UNC13B: variants seen among roughly 807,000 people sequenced by gnomAD.
UNC13B encodes the protein unc-13 homolog B, also known as protein unc-13 homolog B.
UNC13B carries 144 observed loss-of-function variants against 211.0 expected under a neutral mutation model. The ratio of observed to expected loss-of-function variants is 0.68; its 90% confidence interval spans 0.60 to 0.78. The LOEUF (loss-of-function observed/expected upper bound fraction) is 0.78. Ranked by LOEUF, UNC13B falls within the 30% of genes least tolerant of loss-of-function variation. The probability of loss-of-function intolerance (pLI) is 0.00; values close to 1 mark genes in which losing one functional copy is unlikely to be tolerated. For missense variants in UNC13B, 1,777 were observed against 2,002.0 expected (o/e 0.89, Z 2.14); for synonymous variants, 709 against 725.8 (o/e 0.98, Z 0.37).
intron 11 of UNC13B, among the ~76,000 whole-genome samples, chr9:35,316,099 G>A (rs1293683626): frequency 6.6e-6 from 1 of 152,126 alleles, no homozygotes; most frequent in African/African-American, 2.4e-5. Context: ...AGGATATGCT[G>A]GTATTTTGTT....
At chr9:35,282,303 T>C (rs16932295) in intron 7 of UNC13B, among the ~76,000 whole-genome samples, 7,466 of 152,290 alleles carry the variant, frequency 0.049, 417 homozygotes, top group East Asian at 0.3. Flanking sequence ...TCCCAACTTT[T>C]ATAATAATTA....
Position 35,306,958 on chromosome 9 carries a change from G to A in UNC13B, c.7554G>A (p.Lys2518=), listed in dbSNP as rs1424387828. ...GELFGIFKSP[K]PEPYKQESSL... ...TATTTGGAATTTTCAAAAGTCCCAA[G>A]CCAGAGCCATACAAACAAGAATCAT... Residue 2518 remains lysine, a synonymous_variant, in exon 9 of 40, where the codon AAG becomes AAA. Transcript: ENST00000635942. The A allele has an allele frequency of 5.0e-6, 2 of 398,868 alleles. No individual in the cohort carries two copies. The highest frequency in any genetic ancestry group is 7.1e-5 in the East Asian group (2 of 28,082). The allele number at this position is 398,868 out of a possible 1,614,324, so 24.7% of individuals were successfully genotyped here.
chr9:35,306,661 AC>A lies in UNC13B; in HGVS notation c.7258del (p.Gln2420ArgfsTer3), dbSNP rs1829939481. Reference protein sequence around the residue: ...LEKAPDEVLPQILEPASSSPE... With the variant: ...LEKAPDEVLPXILEPASSSPE... ...AAAAGGCCCCCGATGAGGTCTTACC[AC>A]AGATCCTAGAGCCAGCCTCTTCCTC... On this transcript the variant is annotated frameshift_variant, in exon 9 of 40. Transcript: ENST00000635942. LOFTEE classifies it high-confidence loss of function. 2.5e-6 allele frequency: 1 copy of A among 398,982 alleles called. No individual in the cohort carries two copies. The allele number at this position is 398,982 out of a possible 1,614,324, so 24.7% of individuals were successfully genotyped here.
chr9:35,282,146 A>G (rs1366789885), intron 7 of UNC13B, among the ~76,000 whole-genome samples: 3 of 152,224 alleles, frequency 2.0e-5, no homozygotes, highest in Non-Finnish European at 4.4e-5. Flanking sequence ...GTAGAATATA[A>G]CACAGATATA....
At chr9:35,184,303 G>A (rs1291635412) in intron 1 of UNC13B, among the ~76,000 whole-genome samples, 2 of 152,210 alleles carry the variant, frequency 1.3e-5, no homozygotes, top group Non-Finnish European at 2.9e-5. Context: ...CTTCCCAGAC[G>A]GGGTGGTGGC....
chr9:35,215,335 C>T (rs192958702), intron 1 of UNC13B, among the ~76,000 whole-genome samples: 2,842 of 152,210 alleles, frequency 0.019, 56 homozygotes, highest in Non-Finnish European at 0.025. Context: ...CCCAGGAGGT[C>T]AAGGCGGCAG....
At chr9:35,277,932 A>G (rs1006243033) in intron 7 of UNC13B, among the ~76,000 whole-genome samples, 1 of 152,188 alleles carries the variant, frequency 6.6e-6, no homozygotes, top group African/African-American at 2.4e-5. Context: ...AAAGGAATAA[A>G]TAAATGGTTA....
chr9:35,335,710 A>T (rs1464869987), intron 11 of UNC13B, among the ~76,000 whole-genome samples: 55 of 132,780 alleles, frequency 4.1e-4, no homozygotes, highest in Admixed American at 5.6e-4. Context: ...TTTTTTTTTT[A>T]AAGGGGTCTT....
At chr9:35,371,725 A>AAT (rs1834138072) in intron 13 of UNC13B, among the ~76,000 whole-genome samples, 1 of 152,032 alleles carries the variant, frequency 6.6e-6, no homozygotes, top group Non-Finnish European at 1.5e-5. Context: ...TTTATGGCAT[A>AAT]ATACTCCTTA....
At position 35,333,364 on chromosome 9, in the gene UNC13B, C is replaced by T. The variant is rs543931854; in HGVS notation, c.9414+19375C>T. ...CAGAGCCTGAGTTCTCCACCACTTA[C>T]GGCCTGTGTAACCTTAGGCTTAGGC... On this transcript the variant is annotated intron_variant, in intron 11 of 39. Transcript: ENST00000635942. Among the ~76,000 whole-genome samples the T allele has an allele frequency of 1.4e-3, 220 of 152,286 alleles. 1 individual carries two copies. The highest frequency in any genetic ancestry group is 4.9e-3 in the African/African-American group (205 of 41,572).
At chr9:35,292,808 A>T (rs1468157855) in intron 7 of UNC13B, among the ~76,000 whole-genome samples, 1 of 152,120 alleles carries the variant, frequency 6.6e-6, no homozygotes, top group Admixed American at 6.5e-5. Context: ...TTACCCTCAA[A>T]CTGGCTCTCT....
chr9:35,255,654 C>G (rs1409578607), intron 6 of UNC13B, among the ~76,000 whole-genome samples: 1 of 151,906 alleles, frequency 6.6e-6, no homozygotes, highest in East Asian at 1.9e-4. Context: ...GATGGCAGAA[C>G]TGGTTGGGCC....
chr9:35,246,340 A>G (rs1826102179), intron 6 of UNC13B, among the ~76,000 whole-genome samples: 2 of 151,912 alleles, frequency 1.3e-5, no homozygotes, highest in Non-Finnish European at 1.5e-5. Flanking sequence ...GCTGTGCAGA[A>G]GCTCTTTAGT....
chr9:35,333,946 A>G (rs1172337173), intron 11 of UNC13B, among the ~76,000 whole-genome samples: 1 of 150,708 alleles, frequency 6.6e-6, no homozygotes, highest in East Asian at 2.0e-4. Context: ...TGGGCTTTTC[A>G]TATTCATTTT....
Position 35,398,956 on chromosome 9 carries a change from C to T in UNC13B, c.11996C>T (p.Ala3999Val), listed in dbSNP as rs745950630. 2.5e-5 allele frequency: 40 copies of T among 1,614,094 alleles called. 1 individual carries two copies. The highest frequency in any genetic ancestry group is 2.6e-5 in the Non-Finnish European group (31 of 1,180,042). Residue 3999 changes from alanine to valine, a missense_variant, in exon 33 of 40, where the codon GCA (alanine) becomes GTA (valine). Transcript: ENST00000635942. ...GGCCAGGTTCGGGGCACAGGGAATG[C>T]ATCTCCAGACGCCAGGGCCTCAGCG... is the stretch of plus-strand genomic sequence containing the variant. ...ILGQVRGTGN[A>V]SPDARASAAQ... is the part of the protein sequence containing the mutation.
At chr9:35,312,950 A>G (rs1446182351) in intron 10 of UNC13B, among the ~76,000 whole-genome samples, 1 of 152,162 alleles carries the variant, frequency 6.6e-6, no homozygotes, top group African/African-American at 2.4e-5. Context: ...CTTTTCATGT[A>G]AAAAGGAATG....
chr9:35,183,168 C>G (rs572275363), intron 1 of UNC13B, among the ~76,000 whole-genome samples: 1 of 137,446 alleles, frequency 7.3e-6, no homozygotes, highest in African/African-American at 2.8e-5. Flanking sequence ...CCAGATGGGG[C>G]GGCCGGGCAG....
rs557702464 is a variant in UNC13B, at chr9:35,162,255, C to A, written c.-29C>A. 3.2e-6 allele frequency: 5 copies of A among 1,542,302 alleles called. No homozygotes were observed. In the Admixed American group the frequency reaches 9.8e-5, roughly 30 times the overall value. ...AGGGAGCGGTCCGGCGCGGCTGGGG[C>A]GCGGCAGAGGCTTGCCCGATCCTCG... On this transcript the variant is annotated 5_prime_UTR_variant, in exon 1 of 40. Transcript: ENST00000635942.
intron 1 of UNC13B, among the ~76,000 whole-genome samples, chr9:35,178,885 CAAAAAAA>C (rs35487632): frequency 2.1e-4 from 13 of 61,120 alleles, no homozygotes; most frequent in Non-Finnish European, 3.6e-4. Context: ...GAGACAGCCT[CAAAAAAA>C]AAAAAAAAAA....
Sources: allele counts gnomAD v4.1 joint callset (sites outside exome capture counted in the v4.1 genomes callset), GRCh38; gene constraint gnomAD v4.1.1; transcripts MANE v1.5; gene names NCBI Gene and HGNC (gene_info 2026-07-23, HGNC 2026-07-21).